PAPSS1: variants seen among roughly 807,000 people sequenced by gnomAD.
PAPSS1 encodes 3'-phosphoadenosine 5'-phosphosulfate synthase 1.
Under a neutral mutation model 72.0 loss-of-function variants are expected in PAPSS1, and 50 were observed. That is an observed-to-expected ratio of 0.69 (90% CI 0.55 to 0.88). PAPSS1 has a LOEUF of 0.88. PAPSS1 is among the 40% of genes least tolerant of loss of function. The pLI is 0.00. For missense variants in PAPSS1, 657 were observed against 782.2 expected (o/e 0.84, Z 1.91); for synonymous variants, 261 against 263.6 (o/e 0.99, Z 0.09).
rs147142159 is a variant in PAPSS1, at chr4:107,705,879, G to C, written c.61-4594C>G. On this transcript the variant is annotated intron_variant, in intron 1 of 11. Coordinates refer to ENST00000265174, the MANE Select transcript of PAPSS1 (RefSeq NM_005443.5). Reference sequence around the variant, plus strand: ...GGTAGTGATGAACTCCCTTAGCTTTGTCTAGGCAAGTCTGTATGTTTGTGT... The same window carrying C: ...GGTAGTGATGAACTCCCTTAGCTTTCTCTAGGCAAGTCTGTATGTTTGTGT... Among the ~76,000 whole-genome samples, 723 of 152,232 alleles carry C rather than the reference G, an allele frequency of 4.7e-3. 11 individuals carry two copies. The highest frequency in any genetic ancestry group is 0.016 in the African/African-American group (667 of 41,516).
chr4:107,693,054 G>A (rs1286949252), intron 3 of PAPSS1, among the ~76,000 whole-genome samples: 1 of 152,120 alleles, frequency 6.6e-6, no homozygotes, highest in African/African-American at 2.4e-5. Context: ...TTAATACCTA[G>A]GTGATGGGAT....
intron 2 of PAPSS1, among the ~76,000 whole-genome samples, chr4:107,696,717 A>T (rs557265867): frequency 1.3e-5 from 2 of 152,226 alleles, no homozygotes; most frequent in East Asian, 1.9e-4. Context: ...CGTTCTACAC[A>T]TGTATCCCAG....
At chr4:107,648,529 C>T (rs562693067) in intron 9 of PAPSS1, among the ~76,000 whole-genome samples, 1 of 152,348 alleles carries the variant, frequency 6.6e-6, no homozygotes, top group Admixed American at 6.5e-5. Context: ...GCCCCAGTAT[C>T]CACCCCAACC....
At chr4:107,709,542 A>T (rs956738829) in intron 1 of PAPSS1, among the ~76,000 whole-genome samples, 6 of 152,138 alleles carry the variant, frequency 3.9e-5, no homozygotes, top group African/African-American at 7.2e-5. Context: ...ATAAATGATT[A>T]CCAGCCACTA....
Position 107,650,986 on chromosome 4 carries a change from G to A in PAPSS1, c.1237+2505C>T, listed in dbSNP as rs543671547. 3.9e-5 allele frequency among the ~76,000 whole-genome samples: 6 copies of A among 152,286 alleles called. No homozygotes were observed. In the East Asian group the frequency reaches 9.7e-4, roughly 24 times the overall value. On this transcript the variant is annotated intron_variant, in intron 9 of 11. Transcript: ENST00000265174. ...TTAAATCACACACTGACAAAAAAGA[G>A]TGGGGCATCATTATTAACTTGTATC...
chr4:107,655,031 T>G (rs1726962809), intron 7 of PAPSS1, 131 bp from the exon 8 acceptor site: 3 of 617,052 alleles, frequency 4.9e-6, no homozygotes. Context: ...AGTATTCAAC[T>G]GGTACCTGGC....
At chr4:107,674,678 C>G (rs943198758) in intron 5 of PAPSS1, among the ~76,000 whole-genome samples, 9 of 152,052 alleles carry the variant, frequency 5.9e-5, no homozygotes. Context: ...CTGCACCAAG[C>G]AGACCTAATA....
intron 11 of PAPSS1, among the ~76,000 whole-genome samples, chr4:107,623,679 T>C (rs1726024906): frequency 6.6e-6 from 1 of 152,194 alleles, no homozygotes; most frequent in Non-Finnish European, 1.5e-5. Context: ...CTCAACTGAA[T>C]GGGAGTGTCT....
At chr4:107,700,671 G>C (rs1290953353) in intron 2 of PAPSS1, among the ~76,000 whole-genome samples, 1 of 152,190 alleles carries the variant, frequency 6.6e-6, no homozygotes, top group Non-Finnish European at 1.5e-5. Context: ...TTGAGGCTGT[G>C]AGTTCAATCT....
intron 1 of PAPSS1, among the ~76,000 whole-genome samples, chr4:107,719,187 G>GTT (rs9307313): frequency 6.8e-6 from 1 of 146,460 alleles, no homozygotes; most frequent in South Asian, 2.1e-4. Flanking sequence ...GAAATTGCTT[G>GTT]TTTTTTTTTT....
chr4:107,649,608 C>T (rs915864131), intron 9 of PAPSS1, among the ~76,000 whole-genome samples: 2 of 152,202 alleles, frequency 1.3e-5, no homozygotes, highest in Admixed American at 1.3e-4. Flanking sequence ...CATCGAGATC[C>T]ACTATCCACT....
At chr4:107,718,779 T>C (rs1723699588) in intron 1 of PAPSS1, among the ~76,000 whole-genome samples, 1 of 152,230 alleles carries the variant, frequency 6.6e-6, no homozygotes, top group Non-Finnish European at 1.5e-5. Context: ...AAGCCAACCT[T>C]ATTTCCCTAA....
At chr4:107,672,180 C>A (rs1967974) in intron 5 of PAPSS1, among the ~76,000 whole-genome samples, 8 of 152,126 alleles carry the variant, frequency 5.3e-5, no homozygotes, top group Non-Finnish European at 1.5e-5. Flanking sequence ...CCAACTGAGG[C>A]ACCGGGCGCA....
At chr4:107,648,539 C>G (rs1441380091) in intron 9 of PAPSS1, among the ~76,000 whole-genome samples, 1 of 152,244 alleles carries the variant, frequency 6.6e-6, no homozygotes, top group African/African-American at 2.4e-5. Context: ...CCACCCCAAC[C>G]ACTGAACATA....
At chr4:107,648,116 C>T (rs1235089858) in intron 9 of PAPSS1, among the ~76,000 whole-genome samples, 1 of 152,182 alleles carries the variant, frequency 6.6e-6, no homozygotes, top group Non-Finnish European at 1.5e-5. Context: ...TCTCCCTTTC[C>T]TCTGGATTTC....
intron 5 of PAPSS1, among the ~76,000 whole-genome samples, chr4:107,661,736 A>G (rs965458307): frequency 6.6e-6 from 1 of 152,132 alleles, no homozygotes; most frequent in Non-Finnish European, 1.5e-5. Context: ...ACTCTCCACT[A>G]TTTTTCCTGA....
At chr4:107,635,785 TA>T (rs1578389001) in intron 10 of PAPSS1, among the ~76,000 whole-genome samples, 1 of 152,188 alleles carries the variant, frequency 6.6e-6, no homozygotes, top group Admixed American at 6.5e-5. Flanking sequence ...ACCATGAAAC[TA>T]AAAAATTATG....
chr4:107,644,779 T>C (rs755835639), intron 10 of PAPSS1, 23 bp downstream of exon 10: 2 of 1,585,712 alleles, frequency 1.3e-6, no homozygotes, highest in South Asian at 1.1e-5. Flanking sequence ...ACTGCTGCAG[T>C]GAAAATCTTA....
intron 5 of PAPSS1, among the ~76,000 whole-genome samples, chr4:107,661,726 A>T (rs1365654874): frequency 6.6e-6 from 1 of 152,192 alleles, no homozygotes; most frequent in East Asian, 1.9e-4. Context: ...TTTTAAGGAC[A>T]CTCTCCACTA....
Sources: allele counts gnomAD v4.1 joint callset (sites outside exome capture counted in the v4.1 genomes callset), GRCh38; gene constraint gnomAD v4.1.1; transcripts MANE v1.5; gene names NCBI Gene and HGNC (gene_info 2026-07-23, HGNC 2026-07-21).